Variants in DUSP16 observed in about 807,000 individuals in gnomAD.
DUSP16 encodes the protein dual specificity protein phosphatase 16.
In DUSP16, 21 loss-of-function variants were observed where a neutral mutation model predicts 58.3. The observed-to-expected ratio is 0.36, with a 90% CI of 0.26 to 0.52. The LOEUF (loss-of-function observed/expected upper bound fraction) is 0.52, where lower values mean the gene tolerates loss of function less well. Ranked by LOEUF, DUSP16 falls within the 20% of genes least tolerant of loss-of-function variation. The pLI is 0.94. For missense variants in DUSP16, 726 were observed against 819.0 expected (o/e 0.89, Z 1.39); for synonymous variants, 320 against 323.8 (o/e 0.99, Z 0.12).
intron 1 of DUSP16, among the ~76,000 whole-genome samples, chr12:12,535,198 G>A (rs1179735030): frequency 2.0e-5 from 3 of 152,124 alleles, no homozygotes; most frequent in East Asian, 1.9e-4. Flanking sequence ...CACCAGCCTC[G>A]GTGAGCTGTT....
chr12:12,510,550 G>A (rs549043371), intron 3 of DUSP16, among the ~76,000 whole-genome samples: 1 of 152,312 alleles, frequency 6.6e-6, no homozygotes, highest in African/African-American at 2.4e-5. Context: ...CAGTGAGGGA[G>A]AAAGGGATAA....
rs2136181624 is a variant in DUSP16 at position 12,475,605 on chromosome 12, T to C, written c.*1228A>G. 6.6e-6 allele frequency: 1 copy of C among 152,288 alleles called. No individual in the cohort carries two copies. The highest frequency in any genetic ancestry group is 1.5e-5 in the Non-Finnish European group (1 of 68,022). The allele number at this position is 152,288 out of a possible 1,614,324, so 9.4% of individuals were successfully genotyped here. Reference sequence around the variant, plus strand: ...TCACTAAAGCCTCTCTCAGCCCTACTAGTAAATGTGAAAGTCTGAGGCAAT... The same window carrying C: ...TCACTAAAGCCTCTCTCAGCCCTACCAGTAAATGTGAAAGTCTGAGGCAAT... On this transcript the variant is annotated 3_prime_UTR_variant, in exon 7 of 7. Coordinates refer to ENST00000298573, the MANE Select transcript of DUSP16 (RefSeq NM_030640.3).
At chr12:12,485,543 G>GAAACAAA (rs1943666515) in intron 5 of DUSP16, 1 of 151,774 alleles carries the variant, frequency 6.6e-6, no homozygotes, top group Non-Finnish European at 1.5e-5. Context: ...ACAGGGTCTG[G>GAAACAAA]CTCTACTGCC....
chr12:12,478,042 C>T (rs1192715225), intron 6 of DUSP16, 27 bp from the exon 7 acceptor site: 1 of 1,500,852 alleles, frequency 6.7e-7, no homozygotes, highest in African/African-American at 1.4e-5. Flanking sequence ...AAACAAAAAC[C>T]CGAATTTTAC....
chr12:12,504,709 AAAAG>A lies in DUSP16; in HGVS notation c.368-4031_368-4028del, dbSNP rs1344632107. ...TCTCTGTTAAAAAAAAAAAAAAAAAAAAAGAAAGAAAGAAAAAATTAGCCAGGCA... is the reference window on the plus strand; with the variant it reads ...TCTCTGTTAAAAAAAAAAAAAAAAAAAAAGAAAGAAAAAATTAGCCAGGCA... On this transcript the variant is annotated intron_variant, in intron 3 of 6. Coordinates refer to ENST00000298573, the MANE Select transcript of DUSP16 (RefSeq NM_030640.3). Among the ~76,000 whole-genome samples, 208 of 138,056 alleles carry A rather than the reference AAAAG, an allele frequency of 1.5e-3. 12 individuals are homozygous for A. The highest frequency in any genetic ancestry group is 3.6e-3 in the Middle Eastern group (1 of 278). 90.6% of individuals were successfully genotyped at this position (138,056 alleles called of 152,430 possible).
intron 3 of DUSP16, among the ~76,000 whole-genome samples, chr12:12,518,705 C>T (rs770585702): frequency 5.3e-5 from 8 of 152,122 alleles, no homozygotes; most frequent in Non-Finnish European, 1.2e-4. Flanking sequence ...TCAACAGAGA[C>T]AGAATCTAAT....
chr12:12,495,904 C>T (rs1853845159), intron 4 of DUSP16, among the ~76,000 whole-genome samples: 1 of 152,236 alleles, frequency 6.6e-6, no homozygotes, highest in African/African-American at 2.4e-5. Flanking sequence ...CCTAAGATGA[C>T]AATGACAAGT....
At chr12:12,553,709 A>AT (rs2136270671) in intron 1 of DUSP16, among the ~76,000 whole-genome samples, 1 of 151,650 alleles carries the variant, frequency 6.6e-6, no homozygotes, top group South Asian at 2.1e-4. Context: ...CACCCAGCCA[A>AT]TTTTTTGTAT....
At position 12,519,855 on chromosome 12, in the gene DUSP16, G is replaced by A; in HGVS notation, c.367+7C>T. 6.2e-7 allele frequency: 1 copy of A among 1,613,902 alleles called. No individual in the cohort carries two copies. The highest frequency in any genetic ancestry group is 8.5e-7 in the Non-Finnish European group (1 of 1,179,854). ...CTGAGTCCTTTTAATTCCATCACGA[G>A]CCTTACCTGCAAGCAGGTGAACAGA... On this transcript the variant is annotated splice_region_variant and intron_variant, in intron 3 of 6. Coordinates refer to ENST00000298573, the MANE Select transcript of DUSP16 (RefSeq NM_030640.3).
intron 1 of DUSP16, among the ~76,000 whole-genome samples, chr12:12,547,809 AGAT>A (rs1268796177): frequency 6.6e-6 from 1 of 152,224 alleles, no homozygotes; most frequent in East Asian, 1.9e-4. Flanking sequence ...TGTAGAAGTT[AGAT>A]AATACTGAGA....
rs772329969 is a variant in DUSP16 at position 12,477,846 on chromosome 12, C to T, written c.985G>A (p.Gly329Ser). 6.2e-7 allele frequency: 1 copy of T among 1,614,058 alleles called. No homozygotes were observed. The highest frequency in any genetic ancestry group is 8.5e-7 in the Non-Finnish European group (1 of 1,180,032). ...PNEPVPAVSE[G>S]GQKSETPLSP... is the part of the protein sequence containing the mutation. ...AGGGGCGTCTCGCTTTTCTGTCCAC[C>T]CTCTGAGACAGCAGGGACAGGTTCA... The change falls in exon 7 of 7, where the codon GGT (glycine) becomes AGT (serine). Residue 329 changes from glycine to serine, a missense_variant. Transcript: ENST00000298573. The surrounding 1 kb of genome is among the most constrained non-coding windows in gnomAD (Gnocchi z 4.1).
At chr12:12,550,475 G>A (rs1265076173) in intron 1 of DUSP16, among the ~76,000 whole-genome samples, 3 of 152,150 alleles carry the variant, frequency 2.0e-5, no homozygotes, top group East Asian at 1.9e-4. Context: ...ACAGTGGGTC[G>A]AGGATGCACG....
intron 5 of DUSP16, among the ~76,000 whole-genome samples, chr12:12,483,016 A>T (rs558806304): frequency 3.9e-5 from 6 of 152,166 alleles, no homozygotes. Context: ...GGCCAAGGCT[A>T]CCTTTTTAAC....
chr12:12,541,097 T>C (rs1944552873), intron 1 of DUSP16, among the ~76,000 whole-genome samples: 1 of 151,798 alleles, frequency 6.6e-6, no homozygotes, highest in Non-Finnish European at 1.5e-5. Flanking sequence ...TAACTGGGAC[T>C]ACATGTGCAC....
At chr12:12,517,249 T>A (rs1944167377) in intron 3 of DUSP16, among the ~76,000 whole-genome samples, 1 of 152,144 alleles carries the variant, frequency 6.6e-6, no homozygotes, top group Non-Finnish European at 1.5e-5. Flanking sequence ...GATGGAAAAA[T>A]TATTCCAAGA....
intron 5 of DUSP16, among the ~76,000 whole-genome samples, chr12:12,481,784 TAC>T (rs1230678822): frequency 1.3e-5 from 2 of 152,050 alleles, no homozygotes; most frequent in East Asian, 1.9e-4. Flanking sequence ...TAAACTCGTG[TAC>T]ACAGTCTCAT....
intron 5 of DUSP16, among the ~76,000 whole-genome samples, chr12:12,481,906 G>A (rs985563426): frequency 1.3e-5 from 2 of 152,080 alleles, no homozygotes; most frequent in Admixed American, 6.6e-5. Context: ...CAAAGCTAAG[G>A]TTTCTACTCA....
intron 4 of DUSP16, among the ~76,000 whole-genome samples, chr12:12,494,486 G>GTTGC (rs1260693857): frequency 8.5e-5 from 13 of 152,166 alleles, no homozygotes; most frequent in African/African-American, 3.1e-4. Flanking sequence ...ATGATACAAA[G>GTTGC]AGGTATCCGA....
chr12:12,532,504 C>T (rs558634855), intron 1 of DUSP16, among the ~76,000 whole-genome samples: 5 of 152,240 alleles, frequency 3.3e-5, no homozygotes, highest in South Asian at 2.1e-4. Flanking sequence ...GGTAATTAAA[C>T]GTAATTGTCA....
Sources: gnomAD v4.1 joint callset for allele counts (sites outside exome capture counted in the v4.1 genomes callset) on GRCh38, gnomAD v4.1.1 for gene constraint, Gnocchi (gnomAD v3.1) non-coding constraint, MANE v1.5 for transcripts, NCBI Gene and HGNC (gene_info 2026-07-23, HGNC 2026-07-21) for gene names.